Variants in PVALEF observed in about 807,000 individuals in gnomAD.
PVALEF encodes parvalbumin like EF-hand containing, also known as parvalbumin-like EF-hand-containing protein.
In PVALEF, 2 loss-of-function variants were observed where a neutral mutation model predicts 1.2. The observed-to-expected ratio is 1.68, with a 90% CI of 0.69 to 5.28. The LOEUF (loss-of-function observed/expected upper bound fraction) is 5.28. Ranked by LOEUF, PVALEF falls within the 30% of genes most tolerant of loss-of-function variation. The probability of loss-of-function intolerance (pLI) is 0.06; values close to 1 mark genes in which losing one functional copy is unlikely to be tolerated. For missense variants in PVALEF, 35 were observed against 17.7 expected (o/e 1.97, Z -1.75); for synonymous variants, 16 against 6.5 (o/e 2.47, Z -2.24).
chr17:81,171,389 C>T (rs1013647223), intron 2 of PVALEF, among the ~76,000 whole-genome samples: 2 of 152,220 alleles, frequency 1.3e-5, no homozygotes, highest in Admixed American at 6.5e-5. Flanking sequence ...GTGGCCCAGG[C>T]GGGCCAGGGG....
At chr17:81,173,474 T>C (rs9912157) in intron 2 of PVALEF, among the ~76,000 whole-genome samples, 36,213 of 152,080 alleles carry the variant, frequency 0.24, 4,731 homozygotes, top group Non-Finnish European at 0.28. Context: ...TACACACAGA[T>C]GCCCCGAGAG....
intron 2 of PVALEF, among the ~76,000 whole-genome samples, chr17:81,172,696 G>A (rs961397006): frequency 2.0e-5 from 3 of 152,098 alleles, no homozygotes; most frequent in Non-Finnish European, 4.4e-5. Flanking sequence ...GCCGGGAGGT[G>A]GAGGTTGCAG....
intron 2 of PVALEF, among the ~76,000 whole-genome samples, chr17:81,174,698 C>G (rs894542143): frequency 6.6e-6 from 1 of 151,734 alleles, no homozygotes; most frequent in Non-Finnish European, 1.5e-5. Flanking sequence ...GCCTGTAATC[C>G]CAGCACTTTG....
chr17:81,174,488 G>T (rs1174797997), intron 2 of PVALEF, among the ~76,000 whole-genome samples: 1 of 151,570 alleles, frequency 6.6e-6, no homozygotes, highest in African/African-American at 2.4e-5. Context: ...AAATTAGCCG[G>T]GTGTGATGGC....
chr17:81,176,503 G>C (rs772389587), intron 2 of PVALEF, among the ~76,000 whole-genome samples: 18 of 151,392 alleles, frequency 1.2e-4, no homozygotes, highest in Non-Finnish European at 2.2e-4. Flanking sequence ...GGGTGACAGA[G>C]CAAATCTCCA....
chr17:81,170,797 C>A (rs2061518106), intron 2 of PVALEF, among the ~76,000 whole-genome samples: 1 of 152,092 alleles, frequency 6.6e-6, no homozygotes, highest in African/African-American at 2.4e-5. Context: ...GCAGTGGGCA[C>A]CCCCCCATTC....
At position 81,181,255 on chromosome 17, in the gene PVALEF, A is replaced by G; in HGVS notation, c.29A>G (p.Lys10Arg). The change falls in exon 4 of 7, where the codon AAG (lysine) becomes AGG (arginine). Residue 10 changes from lysine (K) to arginine (R), a missense_variant. By Grantham distance (26) the Lys-to-Arg change is conservative. Transcript: ENST00000637878. Reference protein sequence around the residue: MEEDFSSQMKKMALAMGTSL... With the variant: MEEDFSSQMRKMALAMGTSL... The stretch of plus-strand genomic sequence containing the variant: ...GAGGAGGACTTCTCCTCCCAGATGA[A>G]GAAGATGGCCTTGGCCATGGGCACG... The G allele has an allele frequency of 1.4e-6, 1 of 702,720 alleles. No homozygotes were observed. Among genetic ancestry groups the G allele is most frequent in the Non-Finnish European group, 2.6e-6 (1 of 384,646 alleles). The allele number at this position is 702,720 out of a possible 1,614,324, so 43.5% of individuals were successfully genotyped here. A position where few individuals can be genotyped will look rare whatever the true frequency, so the allele number is the denominator to read the frequency against.
chr17:81,171,470 T>C (rs1301449805), intron 2 of PVALEF, among the ~76,000 whole-genome samples: 1 of 152,210 alleles, frequency 6.6e-6, no homozygotes, highest in African/African-American at 2.4e-5. Context: ...CTCGTTTTAT[T>C]AAAAGCATGA....
Position 81,168,733 on chromosome 17 carries a change from C to T in PVALEF, c.-340+1889C>T, listed in dbSNP as rs59185650. On this transcript the variant is annotated intron_variant, in intron 2 of 6. Transcript: ENST00000637878. Reference sequence around the variant, plus strand: ...CATTGCCCGTCGAAGAGGAAAAAGGCCAAGAACCCAGCAGGAAGCCCAGGT... The same window carrying T: ...CATTGCCCGTCGAAGAGGAAAAAGGTCAAGAACCCAGCAGGAAGCCCAGGT... Among the ~76,000 whole-genome samples, 781 of 152,198 alleles carry T rather than the reference C, an allele frequency of 5.1e-3. 28 individuals are homozygous for T. The East Asian group carries it at 0.1, about 20-fold the overall frequency.
intron 3 of PVALEF, among the ~76,000 whole-genome samples, chr17:81,179,634 C>T (rs2061546940): frequency 6.6e-6 from 1 of 152,180 alleles, no homozygotes; most frequent in Non-Finnish European, 1.5e-5. Context: ...ACACTCTGCC[C>T]CTGACCCAGA....
chr17:81,169,882 G>C (rs2061512850), intron 2 of PVALEF, among the ~76,000 whole-genome samples: 1 of 152,080 alleles, frequency 6.6e-6, no homozygotes, highest in Non-Finnish European at 1.5e-5. Flanking sequence ...GTGTTGGTGT[G>C]TGCATATGTG....
chr17:81,181,889 G>C, intron 5 of PVALEF, 77 bp from the exon 6 acceptor site: 1 of 398,256 alleles, frequency 2.5e-6, no homozygotes, highest in East Asian at 3.6e-5. Context: ...CCTACAAGGT[G>C]GGGGGCGAAC....
intron 2 of PVALEF, among the ~76,000 whole-genome samples, chr17:81,167,076 T>C (rs115295368): frequency 6.6e-6 from 1 of 151,606 alleles, no homozygotes; most frequent in Admixed American, 6.6e-5. Context: ...GCGGGTGGCT[T>C]GTGCTCAGGG....
intron 1 of PVALEF, chr17:81,165,988 G>T (rs769907279): frequency 2.5e-6 from 4 of 1,578,294 alleles, no homozygotes; most frequent in Non-Finnish European, 3.4e-6. Flanking sequence ...GAAGGACGAC[G>T]ACATGGCCGG....
In PVALEF at chr17:81,182,134, C is replaced by T. The variant is rs140051918; in HGVS notation, c.358+53C>T. On this transcript the variant is annotated intron_variant, in intron 6 of 6. Coordinates refer to ENST00000637878, the MANE Select transcript of PVALEF (RefSeq NM_001354639.2). ...CAGGACCCTCCTTCCCCTGCTAGGCCGCCACCCTTGCCCATGGCCCCGCCC... is the reference window on the plus strand; with the variant it reads ...CAGGACCCTCCTTCCCCTGCTAGGCTGCCACCCTTGCCCATGGCCCCGCCC... 1,064 of 398,558 alleles carry T rather than the reference C, an allele frequency of 2.7e-3. 10 individuals carry two copies. The highest frequency in any genetic ancestry group is 1.8e-3 in the Non-Finnish European group (418 of 226,034). 24.7% of individuals were successfully genotyped at this position (398,558 alleles called of 1,614,324 possible). A position where few individuals can be genotyped will look rare whatever the true frequency, so the allele number is the denominator to read the frequency against.
rs2061479968 is a variant in PVALEF, at chr17:81,165,700, C to A, written c.-555C>A. On this transcript the variant is annotated 5_prime_UTR_variant, in exon 1 of 7. Transcript: ENST00000637878. ...CAGTTACCTGTGCCCTGGAGGCAGC[C>A]ACGGAGTCACGACCACGCGGGGGAC... The A allele has an allele frequency of 6.6e-7, 1 of 1,517,828 alleles. No individual in the cohort carries two copies. Among genetic ancestry groups the A allele is most frequent in the East Asian group, 2.5e-5 (1 of 39,844 alleles). The allele number at this position is 1,517,828 out of a possible 1,614,324, so 94.0% of individuals were successfully genotyped here.
chr17:81,174,836 C>A (rs2061531594), intron 2 of PVALEF, among the ~76,000 whole-genome samples: 1 of 151,586 alleles, frequency 6.6e-6, no homozygotes, highest in Non-Finnish European at 1.5e-5. Flanking sequence ...GTAGTCCCAG[C>A]TACTCAGGAG....
At position 81,170,021 on chromosome 17, in the gene PVALEF, CAT is replaced by C. The variant is rs758421884; in HGVS notation, c.-340+3180_-340+3181del. 3.5e-4 allele frequency among the ~76,000 whole-genome samples: 50 copies of C among 142,602 alleles called. No individual in the cohort carries two copies. The East Asian group carries it at 7.8e-3, about 22-fold the overall frequency. 93.6% of individuals were successfully genotyped at this position (142,602 alleles called of 152,430 possible). A position where few individuals can be genotyped will look rare whatever the true frequency, so the allele number is the denominator to read the frequency against. On this transcript the variant is annotated intron_variant, in intron 2 of 6. Transcript: ENST00000637878. ...GTTGGTGTGTCTGCATGTGTATGTG[CAT>C]ATGTGTAGGTGTGTTGGCATGTGTG...
At chr17:81,171,202 G>A (rs918692028) in intron 2 of PVALEF, among the ~76,000 whole-genome samples, 10 of 152,230 alleles carry the variant, frequency 6.6e-5, no homozygotes, top group African/African-American at 2.4e-4. Flanking sequence ...GTGACCTGGG[G>A]GCAGGGCTGG....
Sources: allele counts gnomAD v4.1 joint callset (sites outside exome capture counted in the v4.1 genomes callset), GRCh38; gene constraint gnomAD v4.1.1; transcripts MANE v1.5; gene names NCBI Gene and HGNC (gene_info 2026-07-23, HGNC 2026-07-21).